TARS3: variants seen among roughly 807,000 people sequenced by gnomAD.
TARS3 encodes the protein threonine--tRNA ligase 2, cytoplasmic.
Under a neutral mutation model 103.5 loss-of-function variants are expected in TARS3, and 94 were observed. The ratio of observed to expected loss-of-function variants is 0.91; its 90% CI spans 0.77 to 1.08. The LOEUF is 1.08. TARS3 is among the 50% of genes least tolerant of loss of function. The probability of loss-of-function intolerance (pLI) is 0.00; values close to 1 mark genes in which losing one functional copy is unlikely to be tolerated. For missense variants in TARS3, 952 were observed against 995.2 expected, an observed-to-expected ratio of 0.96 and a Z score of 0.58; for synonymous variants, 416 against 355.4, an observed-to-expected ratio of 1.17 and a Z score of -1.92.
chr15:101,677,009 T>C lies in TARS3; in HGVS notation c.1651-1272A>G, dbSNP rs978676758. On this transcript the variant is annotated intron_variant, in intron 12 of 18. Transcript: ENST00000335968. ...AGTGTGTGTTGTTCCCCTCCCTGTGTCCATCTGTTCTCATTGTTCAGTTCC... is the reference window on the plus strand; with the variant it reads ...AGTGTGTGTTGTTCCCCTCCCTGTGCCCATCTGTTCTCATTGTTCAGTTCC... Among the ~76,000 whole-genome samples, 9 of 152,298 alleles carry C rather than the reference T, an allele frequency of 5.9e-5. 1 individual carries two copies. Among genetic ancestry groups the C allele is most frequent in the African/African-American group, 2.2e-4 (9 of 41,566 alleles).
intron 18 of TARS3, 84 bp downstream of exon 18, chr15:101,656,838 G>T: frequency 1.2e-6 from 1 of 801,228 alleles, no homozygotes; most frequent in Non-Finnish European, 2.0e-6. Context: ...TAATCAAGTA[G>T]TTGAACCATA....
At position 101,704,060 on chromosome 15, in the gene TARS3, T is replaced by C. The variant is rs1322370308; in HGVS notation, c.996-123A>G. 9 of 618,868 alleles carry C rather than the reference T, an allele frequency of 1.5e-5. No homozygotes were observed. In the East Asian group the frequency reaches 1.8e-4, roughly 13 times the overall value. The allele number at this position is 618,868 out of a possible 1,614,324, so 38.3% of individuals were successfully genotyped here. A position where few individuals can be genotyped will look rare whatever the true frequency, so the allele number is the denominator to read the frequency against. ...TTATTTATATGTAGCAATGCCATTT[T>C]TAATTTAGGGTGAAGGAGAGAGGTG... On this transcript the variant is annotated intron_variant, in intron 7 of 18. Transcript: ENST00000335968.
chr15:101,715,225 C>T (rs1900087565), intron 3 of TARS3, among the ~76,000 whole-genome samples: 1 of 149,846 alleles, frequency 6.7e-6, no homozygotes, highest in Non-Finnish European at 1.5e-5. Context: ...CGGCTCACTG[C>T]AAGCTCCGCC....
In TARS3 at chr15:101,714,956, G is replaced by T. The variant is rs142669090; in HGVS notation, c.574C>A (p.Leu192Met). The T allele has an allele frequency of 1.9e-6, 3 of 1,605,342 alleles. No homozygotes were observed. Among genetic ancestry groups the T allele is most frequent in the Middle Eastern group, 1.7e-4 (1 of 6,036 alleles). ...YQVAAEISQE[L>M]AESTVIAKVN... is the part of the protein sequence containing the mutation. Reference sequence around the variant, plus strand: ...TTGGCTATTACCGTGCTTTCAGCCAGTTCCTGACTAAGAAGACAAAAGCCA... The same window carrying T: ...TTGGCTATTACCGTGCTTTCAGCCATTTCCTGACTAAGAAGACAAAAGCCA... Residue 192 changes from leucine (L) to methionine (M), a missense_variant, in exon 4 of 19, where the codon CTG (leucine) becomes ATG (methionine). By Grantham distance (15) the Leu-to-Met change is conservative (BLOSUM62 2). This residue lies in a region of TARS3 where 412 missense variants were observed against 364.2 expected (regional missense o/e 1.13). Coordinates refer to ENST00000335968, the MANE Select transcript of TARS3 (RefSeq NM_152334.3).
At chr15:101,659,753 G>A (rs148077618) in intron 16 of TARS3, among the ~76,000 whole-genome samples, 4 of 152,156 alleles carry the variant, frequency 2.6e-5, no homozygotes, top group East Asian at 1.9e-4. Context: ...ATACTCAGGC[G>A]GCATACATAT....
intron 15 of TARS3, among the ~76,000 whole-genome samples, chr15:101,664,859 G>T (rs1897516849): frequency 6.6e-6 from 1 of 152,212 alleles, no homozygotes; most frequent in Non-Finnish European, 1.5e-5. Context: ...ACCCCAGGAA[G>T]CAGGGTAAAC....
In TARS3 at chr15:101,657,788, A is replaced by T; in HGVS notation, c.2142T>A (p.Leu714=). ...CTTTAAACACCTCTGATTTTACCTG[A>T]AGTGCATATTTTTCACAAGTTGGCC... ...PVGPTCEKYA[L]QVSSEFFEEG... Residue 714 remains leucine, a synonymous_variant, in exon 17 of 19, where the codon CTT becomes CTA. Coordinates refer to ENST00000335968, the MANE Select transcript of TARS3 (RefSeq NM_152334.3). The T allele has an allele frequency of 6.2e-7, 1 of 1,605,402 alleles. No homozygotes were observed. The highest frequency in any genetic ancestry group is 8.5e-7 in the Non-Finnish European group (1 of 1,174,336).
Position 101,723,960 on chromosome 15 carries a change from G to C in TARS3, c.297+131C>G, listed in dbSNP as rs74035805. 3.6e-3 allele frequency: 3,195 copies of C among 878,774 alleles called. 93 individuals are homozygous for C. The African/African-American group carries it at 0.052, about 14-fold the overall frequency. 54.4% of individuals were successfully genotyped at this position (878,774 alleles called of 1,614,324 possible). A position where few individuals can be genotyped will look rare whatever the true frequency, so the allele number is the denominator to read the frequency against. On this transcript the variant is annotated intron_variant, in intron 1 of 18. Transcript: ENST00000335968. ...CCACCGAGCAGGGCAGGGCGGGCCA[G>C]CCGCAGGGCACTGGGAGGGCACTCC...
At chr15:101,716,793 T>C (rs1900178551) in intron 3 of TARS3, among the ~76,000 whole-genome samples, 1 of 151,978 alleles carries the variant, frequency 6.6e-6, no homozygotes, top group Non-Finnish European at 1.5e-5. Flanking sequence ...GTTACAAGAG[T>C]ATCTTGTCTC....
At chr15:101,691,031 T>C (rs1363735228) in intron 10 of TARS3, among the ~76,000 whole-genome samples, 9 of 152,106 alleles carry the variant, frequency 5.9e-5, no homozygotes, top group Non-Finnish European at 8.8e-5. Context: ...CTTCGTCTCC[T>C]GGGTTCACAC....
At chr15:101,699,651 G>A (rs542129871) in intron 10 of TARS3, among the ~76,000 whole-genome samples, 11 of 152,130 alleles carry the variant, frequency 7.2e-5, no homozygotes, top group Non-Finnish European at 1.3e-4. Flanking sequence ...CTCTTCCACT[G>A]CCCTCTGATC....
intron 13 of TARS3, among the ~76,000 whole-genome samples, chr15:101,674,160 C>A (rs1897928619): frequency 6.6e-6 from 1 of 152,218 alleles, no homozygotes; most frequent in Non-Finnish European, 1.5e-5. Flanking sequence ...GGGTGCACTG[C>A]CCACCTGCTA....
At chr15:101,694,088 GA>G (rs899374645) in intron 10 of TARS3, among the ~76,000 whole-genome samples, 13 of 151,396 alleles carry the variant, frequency 8.6e-5, no homozygotes, top group Admixed American at 3.3e-4. Flanking sequence ...AGAATGCAGG[GA>G]AAAAAAAATT....
At chr15:101,702,475 A>G (rs973871628) in intron 8 of TARS3, 90 bp from the exon 9 acceptor site, 90 of 1,135,522 alleles carry the variant, frequency 7.9e-5, no homozygotes, top group Non-Finnish European at 1.1e-4. Flanking sequence ...TTCCACTATC[A>G]TATCAACAAA....
At chr15:101,714,059 G>A (rs1302793682) in intron 4 of TARS3, among the ~76,000 whole-genome samples, 3 of 152,054 alleles carry the variant, frequency 2.0e-5, no homozygotes, top group Non-Finnish European at 4.4e-5. Context: ...CTTGAAGGGC[G>A]ACTGCAACGT....
At chr15:101,674,303 A>G (rs1389691912) in intron 13 of TARS3, among the ~76,000 whole-genome samples, 3 of 152,254 alleles carry the variant, frequency 2.0e-5, no homozygotes, top group Admixed American at 2.0e-4. Context: ...GATATGCCAG[A>G]GTGAAGCCAC....
intron 13 of TARS3, among the ~76,000 whole-genome samples, chr15:101,672,488 C>T (rs1399221725): frequency 6.6e-6 from 1 of 152,166 alleles, no homozygotes; most frequent in Non-Finnish European, 1.5e-5. Flanking sequence ...CCATCATCAC[C>T]TCCAACATAC....
intron 18 of TARS3, chr15:101,656,170 G>T: frequency 2.6e-6 from 2 of 759,504 alleles, no homozygotes; most frequent in Non-Finnish European, 3.9e-6. Flanking sequence ...TACCTTTCAT[G>T]TCATGGGATA....
intron 7 of TARS3, 151 bp from the exon 8 acceptor site, chr15:101,704,088 T>C: frequency 1.9e-6 from 1 of 521,798 alleles, no homozygotes; most frequent in Non-Finnish European, 3.4e-6. Context: ...GAGAGGTGAT[T>C]CATCTAGCCT....
Sources: allele counts gnomAD v4.1 joint callset (sites outside exome capture counted in the v4.1 genomes callset), GRCh38; gene constraint gnomAD v4.1.1; regional missense constraint gnomAD v4.1.1; transcripts MANE v1.5; gene names NCBI Gene and HGNC (gene_info 2026-07-23, HGNC 2026-07-21).